The following ADGRG7 variants were observed in gnomAD, a reference collection of about 807,000 sequenced individuals.
ADGRG7 encodes the protein G-protein coupled receptor 128.
Under a neutral mutation model 88.6 loss-of-function variants are expected in ADGRG7, and 82 were observed. The ratio of observed to expected loss-of-function variants is 0.93; its 90% CI spans 0.77 to 1.11. The LOEUF (loss-of-function observed/expected upper bound fraction) is 1.11. Ranked by LOEUF, ADGRG7 falls within the 50% of genes most tolerant of loss-of-function variation. The pLI, the probability that ADGRG7 is intolerant of heterozygous loss-of-function variation, is 0.00. For synonymous variants in ADGRG7, 381 were observed against 345.2 expected (o/e 1.10, Z -1.15); for missense variants, 945 against 953.4 (o/e 0.99, Z 0.12).
chr3:100,625,063 T>C (rs1707364036), intron 1 of ADGRG7, among the ~76,000 whole-genome samples: 1 of 152,216 alleles, frequency 6.6e-6, no homozygotes, highest in African/African-American at 2.4e-5. Flanking sequence ...TTTTTTCTAA[T>C]TCTGTGAAGA....
chr3:100,644,524 C>G (rs756089309), intron 8 of ADGRG7, among the ~76,000 whole-genome samples: 10 of 151,930 alleles, frequency 6.6e-5, no homozygotes, highest in Non-Finnish European at 1.5e-4. Context: ...TCAATTTTTC[C>G]TATATTTGCT....
At chr3:100,689,215 T>C (rs1168673300) in intron 15 of ADGRG7, among the ~76,000 whole-genome samples, 1 of 152,190 alleles carries the variant, frequency 6.6e-6, no homozygotes, top group Admixed American at 6.5e-5. Context: ...CCTTTTTTTG[T>C]TTTCCATTTG....
intron 15 of ADGRG7, among the ~76,000 whole-genome samples, chr3:100,690,622 C>A (rs939426620): frequency 2.0e-5 from 3 of 152,326 alleles, no homozygotes. Context: ...TTGGAGTTTG[C>A]TGGAGGTCCA....
At chr3:100,630,304 T>A (rs1707442705) in intron 2 of ADGRG7, among the ~76,000 whole-genome samples, 1 of 152,162 alleles carries the variant, frequency 6.6e-6, no homozygotes, top group Non-Finnish European at 1.5e-5. Context: ...ACTGCTATCA[T>A]TTCCTATACT....
chr3:100,646,887 C>G (rs772013558), intron 10 of ADGRG7, among the ~76,000 whole-genome samples, 163 bp downstream of exon 10: 1 of 152,188 alleles, frequency 6.6e-6, no homozygotes, highest in Non-Finnish European at 1.5e-5. Context: ...AGGCCGGGCG[C>G]GGTGGCTCAC....
rs71315208 is a variant in ADGRG7, at chr3:100,694,194, T to C, written c.2137-550T>C. Among the ~76,000 whole-genome samples, 1,081 of 152,346 alleles carry C rather than the reference T, an allele frequency of 7.1e-3. 6 individuals carry two copies. The highest frequency in any genetic ancestry group is 0.012 in the South Asian group (59 of 4,830). On this transcript the variant is annotated intron_variant, in intron 15 of 15. Transcript: ENST00000273352. ...GGGTCTGATACTGATATGACTTCTA[T>C]AAATGGCAGTTTTTACTGGAAACAT...
chr3:100,640,945 A>T (rs1456970256), intron 6 of ADGRG7, among the ~76,000 whole-genome samples: 3 of 152,200 alleles, frequency 2.0e-5, no homozygotes, highest in Non-Finnish European at 4.4e-5. Flanking sequence ...CCTCCCTAGC[A>T]CTGACCACCT....
intron 11 of ADGRG7, among the ~76,000 whole-genome samples, chr3:100,652,730 TACACACACCACACCATACATAC>T (rs1398747900): frequency 5.3e-5 from 8 of 151,898 alleles, no homozygotes; most frequent in East Asian, 1.9e-4. Context: ...ATACATGAAC[TACACACACCACACCATACATAC>T]ACACACACCA....
At chr3:100,638,512 C>G (rs1366145731) in intron 6 of ADGRG7, among the ~76,000 whole-genome samples, 6 of 152,144 alleles carry the variant, frequency 3.9e-5, no homozygotes, top group African/African-American at 1.4e-4. Context: ...GTAGGGCAGG[C>G]TGTAGTTTTG....
In ADGRG7 at chr3:100,669,087, C is replaced by G. The variant is rs1212532729; in HGVS notation, c.2118C>G (p.Cys706Trp). The G allele has an allele frequency of 6.3e-7, 1 of 1,589,850 alleles. No homozygotes were observed. The highest frequency in any genetic ancestry group is 8.5e-7 in the Non-Finnish European group (1 of 1,169,668). The change falls in exon 15 of 16, where the codon TGC becomes TGG. Residue 706 changes from cysteine (C) to tryptophan (W), a missense_variant. Physicochemically the swap from Cys to Trp is radical, Grantham distance 215. Coordinates refer to ENST00000273352, the MANE Select transcript of ADGRG7 (RefSeq NM_032787.3). ...SIRIVFSYIF[C>W]LFNTTQGLQI... ...GGATCGTCTTCAGCTACATATTCTG[C>G]CTTTTCAACACTACACAGGTATGGT...
chr3:100,668,868 T>G, intron 14 of ADGRG7, 81 bp from the exon 15 acceptor site: 1 of 1,035,498 alleles, frequency 9.7e-7, no homozygotes, highest in Non-Finnish European at 1.4e-6. Flanking sequence ...TGAATATACA[T>G]TCTAAATAGG....
chr3:100,634,302 T>C (rs1204655341), intron 4 of ADGRG7, among the ~76,000 whole-genome samples: 2 of 152,214 alleles, frequency 1.3e-5, no homozygotes, highest in African/African-American at 4.8e-5. Context: ...TTATAAAACT[T>C]CTGTGAGTTG....
intron 14 of ADGRG7, among the ~76,000 whole-genome samples, chr3:100,664,572 A>G (rs1464463613): frequency 6.6e-6 from 1 of 152,210 alleles, no homozygotes; most frequent in African/African-American, 2.4e-5. Flanking sequence ...AGGTTACACT[A>G]CAGTAAATTA....
At chr3:100,685,602 C>G (rs190540066) in intron 15 of ADGRG7, among the ~76,000 whole-genome samples, 1 of 152,140 alleles carries the variant, frequency 6.6e-6, no homozygotes, top group African/African-American at 2.4e-5. Context: ...TCAATTCCCA[C>G]CTATGAGTGA....
Position 100,673,353 on chromosome 3 carries a change from T to C in ADGRG7, c.2136+4248T>C, listed in dbSNP as rs181256597. The stretch of plus-strand genomic sequence containing the variant: ...TTCTCAATTTTCTAGTTTATTTGCA[T>C]AGAGGTTTTTATAGTACTCTCTGAT... On this transcript the variant is annotated intron_variant, in intron 15 of 15. Transcript: ENST00000273352. Among the ~76,000 whole-genome samples, 1,077 of 152,330 alleles carry C rather than the reference T, an allele frequency of 7.1e-3. 10 individuals carry two copies. Among genetic ancestry groups the C allele is most frequent in the African/African-American group, 0.024 (1,017 of 41,580 alleles).
At chr3:100,691,279 A>G (rs1453674915) in intron 15 of ADGRG7, among the ~76,000 whole-genome samples, 5 of 152,192 alleles carry the variant, frequency 3.3e-5, no homozygotes, top group Non-Finnish European at 7.3e-5. Context: ...TTCTTTGACT[A>G]GGAAAGGGAA....
intron 15 of ADGRG7, among the ~76,000 whole-genome samples, chr3:100,674,553 T>C (rs764459608): frequency 6.6e-5 from 10 of 151,878 alleles, no homozygotes; most frequent in Admixed American, 2.0e-4. Context: ...TTGTAGCTTT[T>C]GTAAATAGGA....
At chr3:100,688,529 C>CCT (rs1269785786) in intron 15 of ADGRG7, among the ~76,000 whole-genome samples, 1 of 152,122 alleles carries the variant, frequency 6.6e-6, no homozygotes, top group Non-Finnish European at 1.5e-5. Flanking sequence ...TCTAAATTTC[C>CCT]CTCTACACAC....
At chr3:100,694,485 G>A (rs1278921404) in intron 15 of ADGRG7, among the ~76,000 whole-genome samples, 1 of 152,148 alleles carries the variant, frequency 6.6e-6, no homozygotes, top group Admixed American at 6.5e-5. Flanking sequence ...AATTTACACA[G>A]CCAGCTAGTG....
Sources: gnomAD v4.1 joint callset for allele counts (sites outside exome capture counted in the v4.1 genomes callset) on GRCh38, gnomAD v4.1.1 for gene constraint, MANE v1.5 for transcripts, NCBI Gene and HGNC (gene_info 2026-07-23, HGNC 2026-07-21) for gene names.